Variants in TRIM5 observed in about 807,000 individuals in gnomAD.
TRIM5 encodes tripartite motif containing 5.
Under a neutral mutation model 35.6 loss-of-function variants are expected in TRIM5, and 31 were observed. The observed-to-expected ratio is 0.87, with a 90% confidence interval of 0.65 to 1.18. The LOEUF (loss-of-function observed/expected upper bound fraction) is 1.18, where lower values mean the gene tolerates loss of function less well. Among genes scored for constraint, TRIM5 ranks in the 50% most tolerant of loss-of-function variants. The pLI is 0.00. For synonymous variants in TRIM5, 243 were observed against 215.6 expected (o/e 1.13, Z -1.11); for missense variants, 609 against 591.6 (o/e 1.03, Z -0.31).
At chr11:5,634,733 G>A in the TRIM5 span, 7 of 1,614,098 alleles carry the variant, frequency 4.3e-6, no homozygotes, top group Non-Finnish European at 5.1e-6. Context: ...ATTGGAAGAA[G>A]AAGAAAAGAA....
chr11:5,652,602 C>T, the TRIM5 span, among the ~76,000 whole-genome samples: 1 of 152,098 alleles, frequency 6.6e-6, no homozygotes, highest in Non-Finnish European at 1.5e-5. Context: ...GTAATTGATG[C>T]CTCCAGCTTT....
the TRIM5 span, among the ~76,000 whole-genome samples, chr11:5,640,464 C>A: frequency 2.0e-5 from 3 of 151,504 alleles, no homozygotes; most frequent in Non-Finnish European, 4.4e-5. Flanking sequence ...GTTGAACCAA[C>A]CTTGCATTTC....
At chr11:5,619,180 C>G in the TRIM5 span, among the ~76,000 whole-genome samples, 1 of 152,192 alleles carries the variant, frequency 6.6e-6, no homozygotes, top group Non-Finnish European at 1.5e-5. Flanking sequence ...TTGACATCTA[C>G]TCTGCATATG....
downstream of TRIM5, among the ~76,000 whole-genome samples, chr11:5,660,276 A>C (rs1850770429): frequency 6.6e-6 from 1 of 152,172 alleles, no homozygotes. Flanking sequence ...CGTCCGGCTC[A>C]TTCTTGTTTT....
chr11:5,668,447 T>C (rs775854430), intron 4 of TRIM5, among the ~76,000 whole-genome samples: 1 of 150,306 alleles, frequency 6.7e-6, no homozygotes, highest in Non-Finnish European at 1.5e-5. Flanking sequence ...CAAGTATAGA[T>C]ATTTTTCTTT....
At chr11:5,603,393 C>T in the TRIM5 span, 34 of 1,614,052 alleles carry the variant, frequency 2.1e-5, no homozygotes, top group Middle Eastern at 1.6e-4. Flanking sequence ...AACCCCTGAG[C>T]ATAGACTGTG....
the TRIM5 span, among the ~76,000 whole-genome samples, chr11:5,622,906 GTT>G: frequency 6.6e-6 from 1 of 152,186 alleles, no homozygotes; most frequent in African/African-American, 2.4e-5. Flanking sequence ...GCACAGCTTG[GTT>G]TTATACATTT....
chr11:5,649,561 C>A, the TRIM5 span, among the ~76,000 whole-genome samples: 1 of 152,188 alleles, frequency 6.6e-6, no homozygotes, highest in Non-Finnish European at 1.5e-5. Flanking sequence ...TAATTCCTGT[C>A]TTTGCCTGTT....
At chr11:5,652,000 T>C in the TRIM5 span, among the ~76,000 whole-genome samples, 2 of 152,272 alleles carry the variant, frequency 1.3e-5, no homozygotes, top group East Asian at 1.9e-4. Context: ...TTGTTTGTTT[T>C]CTGCTTGTAA....
the TRIM5 span, chr11:5,605,325 C>A: frequency 6.2e-7 from 1 of 1,613,912 alleles, no homozygotes; most frequent in South Asian, 1.1e-5. Context: ...TTTTTCTTCC[C>A]TGTTCCTGAA....
chr11:5,602,825 G>C, the TRIM5 span, among the ~76,000 whole-genome samples: 2 of 151,682 alleles, frequency 1.3e-5, no homozygotes, highest in Non-Finnish European at 2.9e-5. Flanking sequence ...GTTGTGGCAC[G>C]TGCCTGTAAT....
intron 2 of TRIM5, 74 bp downstream of exon 2, chr11:5,679,687 T>G: frequency 6.9e-7 from 1 of 1,457,664 alleles, no homozygotes; most frequent in Non-Finnish European, 9.2e-7. Context: ...AGGCAGTTAA[T>G]GTCAAAGGCA....
chr11:5,655,576 T>C, the TRIM5 span: 1 of 918,220 alleles, frequency 1.1e-6, no homozygotes, highest in Non-Finnish European at 1.3e-6. Flanking sequence ...GAAACATTCA[T>C]TTCTTGGTCA....
chr11:5,657,905 C>CGGTG, the TRIM5 span, among the ~76,000 whole-genome samples: 3 of 150,610 alleles, frequency 2.0e-5, no homozygotes, highest in South Asian at 2.1e-4. Context: ...CCTGAGCCAC[C>CGGTG]ATGTCTGGCA....
intron 5 of TRIM5, among the ~76,000 whole-genome samples, chr11:5,666,536 G>A (rs938786140): frequency 6.6e-6 from 1 of 152,212 alleles, no homozygotes; most frequent in Admixed American, 6.5e-5. Flanking sequence ...GCTCCTGGGT[G>A]TTTGACACAT....
the TRIM5 span, among the ~76,000 whole-genome samples, chr11:5,625,931 C>T: frequency 1.3e-5 from 2 of 152,214 alleles, no homozygotes; most frequent in Admixed American, 1.3e-4. Context: ...TCAGAAGGAG[C>T]CCACGGATTT....
chr11:5,596,303 C>T, the TRIM5 span: 1 of 154,684 alleles, frequency 6.5e-6, no homozygotes, highest in Admixed American at 6.5e-5. Flanking sequence ...AGGGAGACTT[C>T]TGCATTTTCA....
chr11:5,646,615 C>G, the TRIM5 span, among the ~76,000 whole-genome samples: 3 of 152,266 alleles, frequency 2.0e-5, no homozygotes, highest in Admixed American at 2.0e-4. Flanking sequence ...ACGTTTTTAG[C>G]TTAAGTCAAA....
the TRIM5 span, chr11:5,610,254 A>G: frequency 6.2e-7 from 1 of 1,613,928 alleles, no homozygotes; most frequent in Non-Finnish European, 8.5e-7. Context: ...AGGTAAGGAG[A>G]TTCAGGGGAA....
Sources: gnomAD v4.1 joint callset for allele counts (sites outside exome capture counted in the v4.1 genomes callset) on GRCh38, gnomAD v4.1.1 for gene constraint, MANE v1.5 for transcripts, NCBI Gene and HGNC (gene_info 2026-07-23, HGNC 2026-07-21) for gene names.